Variants in SOX5 observed in about 807,000 individuals in gnomAD.
The protein encoded by SOX5 is SRY-box transcription factor 5.
In SOX5, 9 loss-of-function variants were observed where a neutral mutation model predicts 92.0. That is an observed-to-expected ratio of 0.10 (90% CI 0.06 to 0.17). SOX5 has a LOEUF of 0.17. SOX5 is among the 10% of genes least tolerant of loss of function. SOX5 has a pLI of 1.00. For synonymous variants in SOX5, 344 were observed against 336.3 expected, an observed-to-expected ratio of 1.02 and a Z score of -0.25; for missense variants, 642 against 944.5, an observed-to-expected ratio of 0.68 and a Z score of 4.20.
At chr12:24,083,625 T>C (rs1038278446) in intron 4 of SOX5, among the ~76,000 whole-genome samples, 2 of 152,042 alleles carry the variant, frequency 1.3e-5, no homozygotes, top group Non-Finnish European at 2.9e-5. Context: ...GAGTGTAACT[T>C]ACCACAGTTA....
chr12:24,495,896 T>G (rs1947584796), intron 1 of SOX5, among the ~76,000 whole-genome samples: 1 of 152,134 alleles, frequency 6.6e-6, no homozygotes, highest in Non-Finnish European at 1.5e-5. Flanking sequence ...AAGATGAGGT[T>G]GGGATTTTTG....
intron 2 of SOX5, among the ~76,000 whole-genome samples, chr12:24,361,290 T>A (rs1211215069): frequency 6.6e-6 from 1 of 152,166 alleles, no homozygotes. Context: ...ACACTGCATG[T>A]TGCTTATAAA....
chr12:23,871,463 T>C (rs2096871489), intron 2 of SOX5, among the ~76,000 whole-genome samples: 2 of 152,012 alleles, frequency 1.3e-5, no homozygotes, highest in Admixed American at 6.6e-5. Context: ...TGATTAAACA[T>C]GAAGTGTAAA....
intron 4 of SOX5, among the ~76,000 whole-genome samples, chr12:23,745,269 T>A (rs1032191177): frequency 2.0e-5 from 3 of 152,198 alleles, no homozygotes; most frequent in African/African-American, 7.2e-5. Flanking sequence ...ATTTTTGTCA[T>A]CTTTTTTCAT....
intron 1 of SOX5, among the ~76,000 whole-genome samples, chr12:24,442,469 A>G (rs1488903956): frequency 6.6e-6 from 1 of 152,232 alleles, no homozygotes; most frequent in African/African-American, 2.4e-5. Flanking sequence ...CAAACCAAAG[A>G]GAAAAATAAA....
intron 1 of SOX5, among the ~76,000 whole-genome samples, chr12:23,907,317 T>C (rs1439668809): frequency 6.6e-6 from 1 of 152,100 alleles, no homozygotes; most frequent in Non-Finnish European, 1.5e-5. Flanking sequence ...TTAATGAACA[T>C]CAATATTCTT....
Position 24,163,505 on chromosome 12 carries a change from C to CTT in SOX5, c.-2+49836_-2+49837dup, listed in dbSNP as rs34073608. ...TTTTGGGCCTTCTAATTTTTAATTC[C>CTT]TTTTTTTTTTTTTTGATATTTATTC... On this transcript the variant is annotated intron_variant, in intron 4 of 4. Coordinates refer to the SOX5 transcript ENST00000446891. Among the ~76,000 whole-genome samples, 436 of 141,834 alleles carry CTT rather than the reference C, an allele frequency of 3.1e-3. 3 individuals are homozygous for CTT. The highest frequency in any genetic ancestry group is 0.013 in the East Asian group (62 of 4,884). The allele number at this position is 141,834 out of a possible 152,430, so 93.0% of individuals were successfully genotyped here.
At chr12:24,306,429 TCCATAAAAAAAGCA>T (rs2140721571) in intron 2 of SOX5, among the ~76,000 whole-genome samples, 1 of 152,342 alleles carries the variant, frequency 6.6e-6, no homozygotes, top group African/African-American at 2.4e-5. Context: ...GATTGTTATT[TCCATAAAAAAAGCA>T]GAGAGCGCTC....
At chr12:24,413,680 C>T (rs1344381625) in intron 1 of SOX5, among the ~76,000 whole-genome samples, 2 of 152,182 alleles carry the variant, frequency 1.3e-5, no homozygotes, top group Non-Finnish European at 2.9e-5. Context: ...TCAACTTACC[C>T]ATTTGCCAAA....
At chr12:24,122,644 T>C (rs1948742785) in intron 4 of SOX5, among the ~76,000 whole-genome samples, 1 of 152,196 alleles carries the variant, frequency 6.6e-6, no homozygotes, top group South Asian at 2.1e-4. Flanking sequence ...TGTGAACCTA[T>C]TTAAAAAACA....
chr12:24,522,044 C>A (rs1643852975), intron 1 of SOX5, among the ~76,000 whole-genome samples: 1 of 150,298 alleles, frequency 6.7e-6, no homozygotes, highest in African/African-American at 2.4e-5. Flanking sequence ...TTAGATACAC[C>A]AAGAAAAAGA....
At chr12:24,095,124 C>CAGAGAGAGAGAGAGAGAGAGAGAGAG (rs1295495095) in intron 4 of SOX5, among the ~76,000 whole-genome samples, 1 of 105,036 alleles carries the variant, frequency 9.5e-6, no homozygotes, top group Non-Finnish European at 2.0e-5. Context: ...CACACACACA[C>CAGAGAGAGAGAGAGAGAGAGAGAGAG]ACACAGAGAG....
intron 1 of SOX5, among the ~76,000 whole-genome samples, chr12:24,419,192 C>T (rs1965523985): frequency 6.6e-6 from 1 of 152,034 alleles, no homozygotes; most frequent in Non-Finnish European, 1.5e-5. Context: ...ACAGTGGCAC[C>T]ATCTCAGCTC....
chr12:24,065,670 A>G lies in SOX5; in HGVS notation c.-2+147673T>C, dbSNP rs568558112. 2.7e-3 allele frequency among the ~76,000 whole-genome samples: 408 copies of G among 151,110 alleles called. 3 individuals carry two copies. The highest frequency in any genetic ancestry group is 9.2e-3 in the African/African-American group (378 of 41,250). On this transcript the variant is annotated intron_variant, in intron 4 of 4. Coordinates refer to the SOX5 transcript ENST00000446891. The stretch of plus-strand genomic sequence containing the variant: ...CAAAAAAAAAAAAAAAAAAAAAGAA[A>G]AGAAAAAAGAAAAAGAAAAAGAAAT...
chr12:23,621,410 C>A (rs1159064708), intron 8 of SOX5, among the ~76,000 whole-genome samples: 1 of 152,046 alleles, frequency 6.6e-6, no homozygotes, highest in Non-Finnish European at 1.5e-5. Flanking sequence ...TAATGCTACA[C>A]AGAACTGTAC....
chr12:23,624,041 T>C (rs2077478248), intron 8 of SOX5, among the ~76,000 whole-genome samples: 1 of 152,030 alleles, frequency 6.6e-6, no homozygotes, highest in Admixed American at 6.6e-5. Flanking sequence ...TGCTACAACA[T>C]GGATAAACAT....
chr12:24,077,772 C>CAT (rs35914700), intron 4 of SOX5, among the ~76,000 whole-genome samples: 17,334 of 116,356 alleles, frequency 0.15, 1,391 homozygotes, highest in Non-Finnish European at 0.19. Flanking sequence ...AAGGTATTTT[C>CAT]ATATATATAT....
At position 23,992,229 on chromosome 12, in the gene SOX5, C is replaced by A. The variant is rs535787170; in HGVS notation, c.-1-96205G>T. On this transcript the variant is annotated intron_variant, in intron 4 of 4. Transcript: ENST00000446891. ...GTTGGTCTGGCAACACCCTTAATAG[C>A]ATCTTTAGTTAACAATGATATATTT... Among the ~76,000 whole-genome samples, 3 of 152,166 alleles carry A rather than the reference C, an allele frequency of 2.0e-5. No homozygotes were observed. The South Asian group carries it at 6.2e-4, about 32-fold the overall frequency.
rs181686045 is a variant in SOX5, at chr12:23,762,358, T to G, written c.482-6634A>C. The G allele has an allele frequency of 1.4e-5, 5 of 348,178 alleles. No homozygotes were observed. The Admixed American group carries it at 2.4e-4, about 17-fold the overall frequency. The allele number at this position is 348,178 out of a possible 1,614,324, so 21.6% of individuals were successfully genotyped here. On this transcript the variant is annotated intron_variant, in intron 3 of 14. Transcript: ENST00000451604. ...GGCTGTAGCGTACTTTGTTTGCACC[T>G]GTGAATAGCCACCACACTCCTGCCT...
Sources: allele counts gnomAD v4.1 joint callset (sites outside exome capture counted in the v4.1 genomes callset), GRCh38; gene constraint gnomAD v4.1.1; transcripts MANE v1.5; gene names NCBI Gene and HGNC (gene_info 2026-07-23, HGNC 2026-07-21).